The following MICU2 variants were observed in gnomAD, a reference collection of about 807,000 sequenced individuals.
MICU2 encodes the protein mitochondrial calcium uptake 2.
MICU2 carries 64 observed loss-of-function variants against 60.4 expected under a neutral mutation model. That is an observed-to-expected ratio of 1.06 (90% CI 0.87 to 1.31). The LOEUF (loss-of-function observed/expected upper bound fraction) is 1.31. MICU2 is among the 50% of genes most tolerant of loss of function. The pLI, the probability that MICU2 is intolerant of heterozygous loss-of-function variation, is 0.00. For synonymous variants in MICU2, 201 were observed against 175.0 expected (o/e 1.15, Z -1.17); for missense variants, 569 against 531.0 (o/e 1.07, Z -0.70).
intron 4 of MICU2, among the ~76,000 whole-genome samples, chr13:21,535,167 T>G (rs1249748270): frequency 1.3e-5 from 2 of 152,228 alleles, no homozygotes; most frequent in African/African-American, 4.8e-5. Flanking sequence ...TTTATTTTAC[T>G]CATTTTTCTT....
At chr13:21,512,220 C>A (rs1192799319) in intron 7 of MICU2, among the ~76,000 whole-genome samples, 2 of 152,046 alleles carry the variant, frequency 1.3e-5, no homozygotes, top group Non-Finnish European at 2.9e-5. Flanking sequence ...TGGTGAATAT[C>A]CTTTTATGTG....
chr13:21,507,639 C>G (rs986129046), intron 8 of MICU2, among the ~76,000 whole-genome samples: 5 of 150,816 alleles, frequency 3.3e-5, no homozygotes, highest in African/African-American at 9.8e-5. Flanking sequence ...AGTCTCACTC[C>G]GTTGCCCAGG....
intron 2 of MICU2, among the ~76,000 whole-genome samples, chr13:21,552,571 T>C (rs1405754189): frequency 2.0e-5 from 3 of 152,226 alleles, no homozygotes; most frequent in African/African-American, 7.2e-5. Flanking sequence ...AGGTCTAACA[T>C]GTAAATCTTT....
Position 21,543,337 on chromosome 13 carries a change from G to T in MICU2, c.359-3649C>A, listed in dbSNP as rs73443855. 3.4e-3 allele frequency among the ~76,000 whole-genome samples: 520 copies of T among 152,138 alleles called. 4 individuals are homozygous for T. The highest frequency in any genetic ancestry group is 0.012 in the African/African-American group (503 of 41,514). On this transcript the variant is annotated intron_variant, in intron 2 of 11. Transcript: ENST00000382374. ...TCCTAGTCAGAGCAATTAGGCAAGA[G>T]AAAGAAAAATAAAGGGCATCCAAAT... is the stretch of plus-strand genomic sequence containing the variant.
intron 7 of MICU2, among the ~76,000 whole-genome samples, chr13:21,512,648 A>C (rs570739681): frequency 6.6e-6 from 1 of 152,052 alleles, no homozygotes; most frequent in South Asian, 2.1e-4. Flanking sequence ...ACAGGGTTTC[A>C]CCATGTTAGC....
chr13:21,525,181 ATTTTTTTTTTTT>A (rs71093324), intron 4 of MICU2, among the ~76,000 whole-genome samples: 10,180 of 83,354 alleles, frequency 0.12, 516 homozygotes, highest in Middle Eastern at 0.24. Flanking sequence ...GTGTAATTCA[ATTTTTTTTTTTT>A]TTTTTTTTTT....
Position 21,510,008 on chromosome 13 carries a change from G to T in MICU2, c.757C>A (p.Arg253=). Residue 253 remains arginine, a synonymous_variant, in exon 8 of 12, where the codon CGA becomes AGA. Coordinates refer to ENST00000382374, the MANE Select transcript of MICU2 (RefSeq NM_152726.3). ...GQRKLHYKEF[R]RFMENLQTEI... is the part of the protein sequence containing the mutation. ...AATGTAAATATTTGCATTTACCTTC[G>T]AAATTCTTTATAATGAAGTTTTCTT... 2 of 1,519,276 alleles carry T rather than the reference G, an allele frequency of 1.3e-6. No individual in the cohort carries two copies. The highest frequency in any genetic ancestry group is 1.8e-6 in the Non-Finnish European group (2 of 1,136,802). 94.1% of individuals were successfully genotyped at this position (1,519,276 alleles called of 1,614,324 possible).
intron 2 of MICU2, among the ~76,000 whole-genome samples, chr13:21,558,428 C>CA (rs1162781116): frequency 6.6e-6 from 1 of 152,226 alleles, no homozygotes; most frequent in Non-Finnish European, 1.5e-5. Context: ...TTCTCTTCCG[C>CA]AAAGCAGCCA....
At chr13:21,510,645 C>G (rs905582094) in intron 7 of MICU2, among the ~76,000 whole-genome samples, 1 of 151,916 alleles carries the variant, frequency 6.6e-6, no homozygotes, top group East Asian at 1.9e-4. Flanking sequence ...AAACCATCAG[C>G]AACCAAACAA....
chr13:21,523,340 CA>C (rs1275104086), intron 4 of MICU2, among the ~76,000 whole-genome samples: 4 of 152,186 alleles, frequency 2.6e-5, no homozygotes, highest in Non-Finnish European at 5.9e-5. Context: ...AGCTGGCTCG[CA>C]AATAACAGGC....
At chr13:21,495,458 T>C (rs1885970282) in intron 10 of MICU2, 140 bp from the exon 11 acceptor site, 12 of 786,518 alleles carry the variant, frequency 1.5e-5, no homozygotes, top group Non-Finnish European at 2.1e-5. Flanking sequence ...AAAATACCCA[T>C]GAAGAAAATA....
At chr13:21,517,159 G>A (rs1392099945) in intron 6 of MICU2, among the ~76,000 whole-genome samples, 1 of 152,202 alleles carries the variant, frequency 6.6e-6, no homozygotes, top group Non-Finnish European at 1.5e-5. Context: ...TTTCAGATCT[G>A]AATGTTAATA....
intron 1 of MICU2, among the ~76,000 whole-genome samples, chr13:21,588,270 T>C (rs527498243): frequency 6.6e-6 from 1 of 152,222 alleles, no homozygotes; most frequent in Non-Finnish European, 1.5e-5. Context: ...GGATCAAATA[T>C]TCCATCCACA....
Position 21,493,345 on chromosome 13 carries a change from T to A in MICU2, c.1209A>T (p.Gln403His). Residue 403 changes from glutamine to histidine, a missense_variant, in exon 12 of 12, where the codon CAA becomes CAT. Transcript: ENST00000382374. ...NRMHRGLWVP[Q>H]HQSIQEYWKC... ...TCCAGTATTCTTGTATACTCTGATG[T>A]TGTGGTACCTGTTAACCGAAAGTAA... 2 of 1,601,888 alleles carry A rather than the reference T, an allele frequency of 1.2e-6. No individual in the cohort carries two copies. Among genetic ancestry groups the A allele is most frequent in the Non-Finnish European group, 8.5e-7 (1 of 1,175,628 alleles).
chr13:21,511,321 G>A (rs753784316), intron 7 of MICU2, among the ~76,000 whole-genome samples: 2 of 152,168 alleles, frequency 1.3e-5, no homozygotes, highest in African/African-American at 2.4e-5. Flanking sequence ...TCTGGATAGA[G>A]CATGGGCATG....
At chr13:21,561,461 C>T (rs909367348) in intron 2 of MICU2, among the ~76,000 whole-genome samples, 1 of 151,868 alleles carries the variant, frequency 6.6e-6, no homozygotes, top group Non-Finnish European at 1.5e-5. Flanking sequence ...TCAGTTTTTG[C>T]CTCATGTGCT....
chr13:21,511,008 T>G (rs1343982431), intron 7 of MICU2, among the ~76,000 whole-genome samples: 1 of 152,170 alleles, frequency 6.6e-6, no homozygotes, highest in Non-Finnish European at 1.5e-5. Flanking sequence ...CTTCAACGGC[T>G]TCTTTCAGGG....
rs928473625 is a variant in MICU2 at position 21,494,738 on chromosome 13, C to T, written c.1200+423G>A. Among the ~76,000 whole-genome samples, 10 of 152,176 alleles carry T rather than the reference C, an allele frequency of 6.6e-5. No individual in the cohort carries two copies. The Middle Eastern group carries it at 0.01, about 155-fold the overall frequency. On this transcript the variant is annotated intron_variant, in intron 11 of 11. Transcript: ENST00000382374. Reference sequence around the variant, plus strand: ...AAACAGAGTCTCATGATGTTATCCACGCTGGTCTCAAACTCCTGGCCTCAA... The same window carrying T: ...AAACAGAGTCTCATGATGTTATCCATGCTGGTCTCAAACTCCTGGCCTCAA...
chr13:21,511,089 G>A (rs1886417641), intron 7 of MICU2, among the ~76,000 whole-genome samples: 1 of 152,144 alleles, frequency 6.6e-6, no homozygotes, highest in Non-Finnish European at 1.5e-5. Flanking sequence ...GGAGTGGGCT[G>A]TGATCTGGAA....
Sources: gnomAD v4.1 joint callset for allele counts (sites outside exome capture counted in the v4.1 genomes callset) on GRCh38, gnomAD v4.1.1 for gene constraint, MANE v1.5 for transcripts, NCBI Gene and HGNC (gene_info 2026-07-23, HGNC 2026-07-21) for gene names.